MRPS21: variants seen among roughly 807,000 people sequenced by gnomAD.
MRPS21 encodes small ribosomal subunit protein bS21m.
Under a neutral mutation model 9.9 loss-of-function variants are expected in MRPS21, and 8 were observed. The ratio of observed to expected loss-of-function variants is 0.81; its 90% CI spans 0.47 to 1.45. The LOEUF (loss-of-function observed/expected upper bound fraction) is 1.45. Ranked by LOEUF, MRPS21 falls within the 40% of genes most tolerant of loss-of-function variation. The probability of loss-of-function intolerance (pLI) is 0.00; values close to 1 mark genes in which losing one functional copy is unlikely to be tolerated. For missense variants in MRPS21, 101 were observed against 118.9 expected (o/e 0.85, Z 0.70); for synonymous variants, 40 against 40.3 (o/e 0.99, Z 0.03).
Position 150,308,324 on chromosome 1 carries a change from A to G in MRPS21, c.*96A>G. ...CCCATTTCCTATTACCATTCTCTGC[A>G]ATAAACTCAAATCACATGTCTGCAA... is the stretch of plus-strand genomic sequence containing the variant. On this transcript the variant is annotated 3_prime_UTR_variant, in exon 3 of 3. Coordinates refer to ENST00000614145, the MANE Select transcript of MRPS21 (RefSeq NM_031901.6). 7.9e-7 allele frequency: 1 copy of G among 1,268,940 alleles called. No homozygotes were observed. Among genetic ancestry groups the G allele is most frequent in the Non-Finnish European group, 1.1e-6 (1 of 931,298 alleles). 78.6% of individuals were successfully genotyped at this position (1,268,940 alleles called of 1,614,324 possible). A position where few individuals can be genotyped will look rare whatever the true frequency, so the allele number is the denominator to read the frequency against.
chr1:150,300,027 A>T (rs1398384755), intron 2 of MRPS21, among the ~76,000 whole-genome samples: 2 of 152,106 alleles, frequency 1.3e-5, no homozygotes, highest in African/African-American at 4.8e-5. Flanking sequence ...TTTCACCAGG[A>T]TTGAAAATTA....
intron 2 of MRPS21, among the ~76,000 whole-genome samples, chr1:150,297,687 G>A (rs1262544411): frequency 3.3e-5 from 5 of 152,060 alleles, no homozygotes; most frequent in Non-Finnish European, 5.9e-5. Context: ...CTGGTCTGGG[G>A]TCAGCCACAT....
chr1:150,303,326 T>C (rs1553857968), intron 2 of MRPS21, among the ~76,000 whole-genome samples: 1 of 152,222 alleles, frequency 6.6e-6, no homozygotes, highest in Non-Finnish European at 1.5e-5. Flanking sequence ...TTTTCTATAT[T>C]TTCTCCAATA....
rs985275185 is a variant in MRPS21, at chr1:150,307,414, G to A, written c.84-634G>A. The stretch of plus-strand genomic sequence containing the variant: ...ACTCTGTTGTCCAGGCTGGAATGCA[G>A]TGGTAGGATCTCAGCTCACTGCAGC... On this transcript the variant is annotated intron_variant, in intron 2 of 2. Coordinates refer to ENST00000614145, the MANE Select transcript of MRPS21 (RefSeq NM_031901.6). 2.1e-5 allele frequency among the ~76,000 whole-genome samples: 3 copies of A among 140,046 alleles called. No individual in the cohort carries two copies. In the Admixed American group the frequency reaches 2.3e-4, roughly 11 times the overall value. The allele number at this position is 140,046 out of a possible 152,430, so 91.9% of individuals were successfully genotyped here. A position where few individuals can be genotyped will look rare whatever the true frequency, so the allele number is the denominator to read the frequency against.
At chr1:150,303,391 C>G (rs900446292) in intron 2 of MRPS21, among the ~76,000 whole-genome samples, 3 of 152,170 alleles carry the variant, frequency 2.0e-5, no homozygotes, top group Non-Finnish European at 4.4e-5. Context: ...AACACAAAGT[C>G]TCAGCAGAAA....
chr1:150,294,435 C>T lies in MRPS21; in HGVS notation c.69C>T (p.Tyr23=). Residue 23 remains tyrosine, a synonymous_variant, in exon 2 of 3, where the codon TAC becomes TAT. Transcript: ENST00000614145. ...AGGAAGGGAACGTGGAAAGCGCATACAGGACCCTAAACAGGTAACTGTTAA... is the reference window on the plus strand; with the variant it reads ...AGGAAGGGAACGTGGAAAGCGCATATAGGACCCTAAACAGGTAACTGTTAA... ...MVQEGNVESA[Y]RTLNRILTMD... is the part of the protein sequence containing the mutation. The T allele has an allele frequency of 1.9e-6, 3 of 1,613,180 alleles. No homozygotes were observed. The highest frequency in any genetic ancestry group is 2.2e-5 in the South Asian group (2 of 91,064).
chr1:150,304,126 C>G (rs12749958), intron 2 of MRPS21: 34,565 of 401,206 alleles, frequency 0.086, 2,129 homozygotes, highest in African/African-American at 0.2. Context: ...GCCTGGCCAA[C>G]ATGGTGAAAC....
chr1:150,294,547 C>A, intron 2 of MRPS21, 98 bp downstream of exon 2: 1 of 1,017,646 alleles, frequency 9.8e-7, no homozygotes. Context: ...AAAACAGTGC[C>A]AGCCCAGGTG....
At position 150,308,337 on chromosome 1, in the gene MRPS21, C is replaced by G. The variant is rs1416779586; in HGVS notation, c.*109C>G. On this transcript the variant is annotated 3_prime_UTR_variant, in exon 3 of 3. Coordinates refer to ENST00000614145, the MANE Select transcript of MRPS21 (RefSeq NM_031901.6). ...ACCATTCTCTGCAATAAACTCAAAT[C>G]ACATGTCTGCAAGAAGGCCTCCAAA... 2.6e-6 allele frequency: 3 copies of G among 1,149,438 alleles called. No individual in the cohort carries two copies. The highest frequency in any genetic ancestry group is 3.6e-6 in the Non-Finnish European group (3 of 835,754). 71.2% of individuals were successfully genotyped at this position (1,149,438 alleles called of 1,614,324 possible). A position where few individuals can be genotyped will look rare whatever the true frequency, so the allele number is the denominator to read the frequency against.
intron 2 of MRPS21, among the ~76,000 whole-genome samples, chr1:150,306,310 GTC>G (rs10623734): frequency 4.6e-5 from 7 of 151,012 alleles, no homozygotes; most frequent in Admixed American, 1.3e-4. Context: ...TGAGACAAGA[GTC>G]TGTTGCCCAG....
intron 2 of MRPS21, among the ~76,000 whole-genome samples, chr1:150,295,752 C>G (rs193029710): frequency 6.7e-6 from 1 of 149,354 alleles, no homozygotes; most frequent in African/African-American, 2.5e-5. Flanking sequence ...ATCTGGTAAA[C>G]ATAGCAAGAC....
At chr1:150,299,959 T>A (rs1274320139) in intron 2 of MRPS21, among the ~76,000 whole-genome samples, 1 of 152,064 alleles carries the variant, frequency 6.6e-6, no homozygotes, top group African/African-American at 2.4e-5. Flanking sequence ...CTGAGATGAA[T>A]CAGAATCTCC....
At position 150,293,889 on chromosome 1, in the gene MRPS21, A is replaced by G. The variant is rs1653809119; in HGVS notation, c.-42A>G. The G allele has an allele frequency of 5.9e-6, 1 of 169,902 alleles. No individual in the cohort carries two copies. Among genetic ancestry groups the G allele is most frequent in the African/African-American group, 2.4e-5 (1 of 42,070 alleles). 10.5% of individuals were successfully genotyped at this position (169,902 alleles called of 1,614,324 possible). ...AACCCTTCCGGTGGGCTAGGTACTG[A>G]GCGCGCGAGGTGAGGAGTTGTGCAG... On this transcript the variant is annotated 5_prime_UTR_variant, in exon 1 of 3. Transcript: ENST00000614145.
At chr1:150,302,244 G>T (rs1654164008) in intron 2 of MRPS21, among the ~76,000 whole-genome samples, 1 of 152,188 alleles carries the variant, frequency 6.6e-6, no homozygotes, top group African/African-American at 2.4e-5. Flanking sequence ...GGAGTACAGA[G>T]AGAGTCTTAC....
chr1:150,308,005 T>C, intron 2 of MRPS21, 43 bp from the exon 3 acceptor site: 1 of 1,472,220 alleles, frequency 6.8e-7, no homozygotes, highest in Non-Finnish European at 9.2e-7. Context: ...AAAAGAATAA[T>C]GATGATCCCA....
chr1:150,307,565 C>T (rs1205911943), intron 2 of MRPS21, among the ~76,000 whole-genome samples: 1 of 151,596 alleles, frequency 6.6e-6, no homozygotes, highest in African/African-American at 2.4e-5. Flanking sequence ...GCCGTGTTGC[C>T]CATGCTGAAC....
chr1:150,308,279 A>G lies in MRPS21; in HGVS notation c.*51A>G, dbSNP rs373154531. 1.2e-4 allele frequency: 186 copies of G among 1,538,596 alleles called. 1 individual carries two copies. The highest frequency in any genetic ancestry group is 1.6e-4 in the Non-Finnish European group (175 of 1,126,894). ...GAAACCCTCATCCAGTTTTCTCTCC[A>G]TCTCTTTTCTTTGTACAATCCCATT... On this transcript the variant is annotated 3_prime_UTR_variant, in exon 3 of 3. Transcript: ENST00000614145.
intron 2 of MRPS21, among the ~76,000 whole-genome samples, chr1:150,300,939 T>C (rs1553857547): frequency 2.6e-5 from 4 of 151,948 alleles, no homozygotes; most frequent in African/African-American, 9.7e-5. Flanking sequence ...GGCTCACCCC[T>C]GTAAGCTCAG....
intron 2 of MRPS21, among the ~76,000 whole-genome samples, chr1:150,299,902 C>T (rs1654055138): frequency 1.3e-5 from 2 of 152,166 alleles, no homozygotes; most frequent in South Asian, 2.1e-4. Context: ...TTAGGATCAC[C>T]TAGGGAACGA....
Sources: gnomAD v4.1 joint callset for allele counts (sites outside exome capture counted in the v4.1 genomes callset) on GRCh38, gnomAD v4.1.1 for gene constraint, MANE v1.5 for transcripts, NCBI Gene and HGNC (gene_info 2026-07-23, HGNC 2026-07-21) for gene names.